SYNE2: variants seen among roughly 807,000 people sequenced by gnomAD.
SYNE2 encodes the protein spectrin repeat containing nuclear envelope protein 2, also known as nesprin-2.
In SYNE2, 431 loss-of-function variants were observed where a neutral mutation model predicts 856.3. The observed-to-expected ratio is 0.50, with a 90% CI of 0.47 to 0.55. SYNE2 has a LOEUF of 0.55. Ranked by LOEUF, SYNE2 falls within the 20% of genes least tolerant of loss-of-function variation. The pLI is 0.00. For missense variants in SYNE2, 8,129 were observed against 8,023.2 expected (o/e 1.01, Z -0.50); for synonymous variants, 2,923 against 2,872.3 (o/e 1.02, Z -0.56).
intron 1 of SYNE2, among the ~76,000 whole-genome samples, chr14:63,827,224 G>A (rs1308267533): frequency 2.6e-5 from 4 of 151,022 alleles, no homozygotes; most frequent in African/African-American, 9.7e-5. Context: ...GTTGCAGTGA[G>A]CCGAGATTGT....
At chr14:64,069,225 T>C (rs2097383074) in intron 51 of SYNE2, among the ~76,000 whole-genome samples, 1 of 150,780 alleles carries the variant, frequency 6.6e-6, no homozygotes, top group South Asian at 2.1e-4. Context: ...AGATGTACAA[T>C]TCCCCCATCT....
chr14:63,876,771 C>T (rs1236494499), intron 1 of SYNE2, among the ~76,000 whole-genome samples: 2 of 152,174 alleles, frequency 1.3e-5, no homozygotes, highest in African/African-American at 4.8e-5. Context: ...CAGGCATGAG[C>T]CACTGCGCCT....
At chr14:63,947,083 C>T (rs2096045970) in intron 6 of SYNE2, among the ~76,000 whole-genome samples, 1 of 152,174 alleles carries the variant, frequency 6.6e-6, no homozygotes, top group Non-Finnish European at 1.5e-5. Context: ...TTCTTGACCT[C>T]AGGTGATTCA....
chr14:64,209,434 G>A lies in SYNE2; in HGVS notation c.18396G>A (p.Glu6132=). The A allele has an allele frequency of 6.2e-7, 1 of 1,614,234 alleles. No homozygotes were observed. Among genetic ancestry groups the A allele is most frequent in the Non-Finnish European group, 8.5e-7 (1 of 1,180,050 alleles). Residue 6132 remains glutamate, a synonymous_variant, in exon 102 of 116, where the codon GAG becomes GAA. Transcript: ENST00000555002. ...GTTGCTTTGCTCCCATCAGAATCGAGGAGACGTGGCGCCTGTGGCAGAAGT... is the reference window on the plus strand; with the variant it reads ...GTTGCTTTGCTCCCATCAGAATCGAAGAGACGTGGCGCCTGTGGCAGAAGT... ...AMSMERRMKI[E]ETWRLWQKFL...
chr14:63,924,832 G>GTTTTTTTTTTTT lies in SYNE2; in HGVS notation c.79+15606_79+15607insTTTTTTTTTTTT, dbSNP rs1491139905. ...TTTAACTTTTTTCCTTCCAGCCTTG[G>GTTTTTTTTTTTT]TGTTTTTTTTTTTTTTTTTTTTTTT... On this transcript the variant is annotated intron_variant, in intron 2 of 115. Transcript: ENST00000555002. 9.0e-3 allele frequency among the ~76,000 whole-genome samples: 835 copies of GTTTTTTTTTTTT among 92,816 alleles called. 256 individuals are homozygous for GTTTTTTTTTTTT. Among genetic ancestry groups the GTTTTTTTTTTTT allele is most frequent in the African/African-American group, 0.012 (275 of 22,186 alleles). 60.9% of individuals were successfully genotyped at this position (92,816 alleles called of 152,430 possible).
intron 12 of SYNE2, 128 bp downstream of exon 12, chr14:63,976,855 C>A: frequency 9.5e-7 from 1 of 1,055,464 alleles, no homozygotes; most frequent in African/African-American, 1.6e-5. Context: ...AGAATGATTC[C>A]TCTGGGGATT....
intron 66 of SYNE2, among the ~76,000 whole-genome samples, chr14:64,116,975 A>T (rs1324702789): frequency 6.6e-6 from 1 of 152,262 alleles, no homozygotes. Context: ...GCCACTGTAC[A>T]GTCTATGGGT....
Position 63,917,014 on chromosome 14 carries a change from CAA to C in SYNE2, c.79+7788_79+7789del, listed in dbSNP as rs1190460114. Among the ~76,000 whole-genome samples, 3 of 152,054 alleles carry C rather than the reference CAA, an allele frequency of 2.0e-5. No individual in the cohort carries two copies. In the East Asian group the frequency reaches 5.8e-4, roughly 29 times the overall value. On this transcript the variant is annotated intron_variant, in intron 2 of 115. Coordinates refer to ENST00000555002, the MANE Select transcript of SYNE2 (RefSeq NM_182914.3). The stretch of plus-strand genomic sequence containing the variant: ...CTGAGGTGGGAGGACCTCTTGAGCC[CAA>C]GAGTTGAGCCTGCAGTAAGCTATGA...
intron 68 of SYNE2, 141 bp from the exon 69 acceptor site, chr14:64,121,871 G>GA: frequency 8.7e-7 from 1 of 1,151,324 alleles, no homozygotes; most frequent in Non-Finnish European, 1.3e-6. Flanking sequence ...GAGTTTACAA[G>GA]AACAGGAATG....
Position 64,134,075 on chromosome 14 carries a change from G to T in SYNE2, c.14521G>T (p.Glu4841Ter). ...TATGTCCTTGATTCTCTAGAAATGG[G>T]AAGAATTTGATGAAAACTATGCATC... ...MKLQSLLQKW[E>*]EFDENYASLE... The change falls in exon 78 of 116, where the codon GAA becomes TAA. Residue 4841 changes from glutamate (E) to a stop codon, truncating the protein, a stop_gained. Transcript: ENST00000555002. LOFTEE classifies it high-confidence loss of function. 6.2e-7 allele frequency: 1 copy of T among 1,614,026 alleles called. No homozygotes were observed. Among genetic ancestry groups the T allele is most frequent in the South Asian group, 1.1e-5 (1 of 91,078 alleles).
rs550699600 is a variant in SYNE2 at position 63,967,824 on chromosome 14, C to T, written c.1106C>T (p.Ala369Val). ...AAGGATCATTTACAGTTGAGAGAAG[C>T]CTGGGATGGCCTCGATCACCAGGTG... ...LDKDHLQLRE[A>V]WDGLDHQINA... The change falls in exon 11 of 116, where the codon GCC becomes GTC. Residue 369 changes from alanine (A) to valine (V), a missense_variant. Transcript: ENST00000555002. The T allele has an allele frequency of 5.6e-6, 9 of 1,614,004 alleles. No individual in the cohort carries two copies. The African/African-American group carries it at 1.2e-4, about 22-fold the overall frequency.
rs547416965 is a variant in SYNE2 at position 63,930,269 on chromosome 14, C to T, written c.80-10345C>T. Among the ~76,000 whole-genome samples, 4 of 142,606 alleles carry T rather than the reference C, an allele frequency of 2.8e-5. No homozygotes were observed. In the South Asian group the frequency reaches 6.6e-4, roughly 23 times the overall value. 93.6% of individuals were successfully genotyped at this position (142,606 alleles called of 152,430 possible). On this transcript the variant is annotated intron_variant, in intron 2 of 115. Transcript: ENST00000555002. ...CCACTGCATTCCAGCCTGGGCCATA[C>T]GGTGAGACCCTGTCTCAAAAAAAAA...
Position 64,146,153 on chromosome 14 carries a change from AAGAG to A in SYNE2, c.15573_15576del (p.Glu5191AspfsTer2). 3 of 1,613,022 alleles carry A rather than the reference AAGAG, an allele frequency of 1.9e-6. No homozygotes were observed. Among genetic ancestry groups the A allele is most frequent in the Non-Finnish European group, 2.5e-6 (3 of 1,179,570 alleles). ...TTGAACAACTGGCTGGAAGCACAAG[AAGAG>A]AGACTGAAAACTTTACAAAAACCTG... On this transcript the variant is annotated frameshift_variant, in exon 84 of 116. Transcript: ENST00000555002. LOFTEE classifies it high-confidence loss of function.
At position 64,219,237 on chromosome 14, in the gene SYNE2, G is replaced by C. The variant is rs748613267; in HGVS notation, c.19687G>C (p.Ala6563Pro). Residue 6563 changes from alanine (A) to proline (P), a missense_variant, in exon 110 of 116, where the codon GCA becomes CCA. Physicochemically the swap from Ala to Pro is conservative, Grantham distance 27. Coordinates refer to ENST00000555002, the MANE Select transcript of SYNE2 (RefSeq NM_182914.3). ...CTTCGACAGATGGGAGATGATTCAA[G>C]CACAGGAGCTTCACAATAAGCTCAA... Reference protein sequence around the residue: ...GAFDRWEMIQAQELHNKLKIK... With the variant: ...GAFDRWEMIQPQELHNKLKIK... 6 of 1,612,942 alleles carry C rather than the reference G, an allele frequency of 3.7e-6. No individual in the cohort carries two copies. Among genetic ancestry groups the C allele is most frequent in the Non-Finnish European group, 5.1e-6 (6 of 1,179,744 alleles).
chr14:64,113,309 G>A (rs1346139121), intron 65 of SYNE2, 32 bp from the exon 66 acceptor site: 1 of 1,612,614 alleles, frequency 6.2e-7, no homozygotes, highest in Non-Finnish European at 8.5e-7. Flanking sequence ...GAAAACTTTG[G>A]ACTCCCTGGC....
chr14:63,835,089 A>G (rs1002072875), intron 1 of SYNE2, among the ~76,000 whole-genome samples: 10 of 152,190 alleles, frequency 6.6e-5, no homozygotes, highest in African/African-American at 2.4e-4. Flanking sequence ...ACGGCATATT[A>G]TGTGCCTGCT....
chr14:64,224,903 G>A, intron 114 of SYNE2, 96 bp from the exon 115 acceptor site: 1 of 1,151,898 alleles, frequency 8.7e-7, no homozygotes, highest in South Asian at 1.3e-5. Flanking sequence ...ACAACATAAA[G>A]GTGGTATATA....
intron 74 of SYNE2, among the ~76,000 whole-genome samples, chr14:64,128,843 C>T (rs900905620): frequency 6.6e-6 from 1 of 152,128 alleles, no homozygotes; most frequent in South Asian, 2.1e-4. Context: ...GCCAGGGGAG[C>T]CCTGGGGATC....
At chr14:64,049,323 C>A (rs2097207697) in intron 46 of SYNE2, 2 of 159,584 alleles carry the variant, frequency 1.3e-5, no homozygotes, top group Non-Finnish European at 2.7e-5. Flanking sequence ...TGGTGACATG[C>A]ACCTGTAGTC....
Sources: gnomAD v4.1 joint callset for allele counts (sites outside exome capture counted in the v4.1 genomes callset) on GRCh38, gnomAD v4.1.1 for gene constraint, MANE v1.5 for transcripts, NCBI Gene and HGNC (gene_info 2026-07-23, HGNC 2026-07-21) for gene names.